CNKSR2: variants seen among roughly 807,000 people sequenced by gnomAD.
The protein encoded by CNKSR2 is CNK homolog protein 2.
Under a neutral mutation model 84.4 loss-of-function variants are expected in CNKSR2, and 14 were observed. That is an observed-to-expected ratio of 0.17 (90% CI 0.11 to 0.26). The LOEUF is 0.26. CNKSR2 is among the 10% of genes least tolerant of loss of function. CNKSR2 has a pLI of 1.00. For synonymous variants in CNKSR2, 275 were observed against 277.9 expected, an observed-to-expected ratio of 0.99 and a Z score of 0.10; for missense variants, 485 against 771.2, an observed-to-expected ratio of 0.63 and a Z score of 4.40.
intron 20 of CNKSR2, chrX:21,644,227 C>T (rs747052535): frequency 9.0e-6 from 1 of 111,565 alleles, no homozygotes; most frequent in African/African-American, 3.3e-5. Flanking sequence ...TTAGTCTTTC[C>T]CAACCTTCTG....
chrX:21,517,730 A>C (rs2091742540), intron 9 of CNKSR2, among the ~76,000 whole-genome samples: 1 of 111,335 alleles, frequency 9.0e-6, no homozygotes, highest in African/African-American at 3.3e-5. Flanking sequence ...TAATTAAAAA[A>C]AAATAGGCCC....
intron 2 of CNKSR2, chrX:21,429,025 T>C (rs2090601085): frequency 8.9e-6 from 1 of 112,385 alleles, no homozygotes; most frequent in Non-Finnish European, 1.9e-5. Flanking sequence ...TAAGTATTTC[T>C]AGTTAAGTGG....
chrX:21,445,369 A>G (rs2090838917), intron 4 of CNKSR2, among the ~76,000 whole-genome samples: 1 of 111,575 alleles, frequency 9.0e-6, no homozygotes. Flanking sequence ...ATTTCAGTAC[A>G]TGTATACAGT....
At chrX:21,390,639 G>T (rs969844381) in intron 1 of CNKSR2, among the ~76,000 whole-genome samples, 1 of 111,509 alleles carries the variant, frequency 9.0e-6, no homozygotes, top group African/African-American at 3.3e-5. Context: ...ATTACAATTC[G>T]ACCTGAGTTT....
At chrX:21,511,746 A>T (rs2091673706) in intron 8 of CNKSR2, among the ~76,000 whole-genome samples, 1 of 111,549 alleles carries the variant, frequency 9.0e-6, no homozygotes. Context: ...TCTTATAATC[A>T]TCTGAACTCT....
Position 21,609,448 on chromosome X carries a change from G to A in CNKSR2, c.2523G>A (p.Lys841=), listed in dbSNP as rs2092538025. 1.7e-6 allele frequency: 2 copies of A among 1,211,124 alleles called. No homozygotes were observed. Among genetic ancestry groups the A allele is most frequent in the East Asian group, 5.9e-5 (2 of 33,803 alleles). Residue 841 remains lysine, a synonymous_variant, in exon 20 of 22, where the codon AAG becomes AAA. Transcript: ENST00000379510. ...RMQVLNGNGG[K]PRSFTLPRDS... is the part of the protein sequence containing the mutation. ...AAGTGCTAAATGGAAATGGGGGCAA[G>A]CCTCGAAGTTTTACTCTGCCTCGAG...
intron 1 of CNKSR2, among the ~76,000 whole-genome samples, chrX:21,412,944 TACAGTTC>T (rs1219174566): frequency 8.9e-6 from 1 of 112,120 alleles, no homozygotes; most frequent in African/African-American, 3.2e-5. Flanking sequence ...TCTTTAAGTG[TACAGTTC>T]ACTGGCATTA....
At chrX:21,545,302 C>T (rs1269873699) in intron 11 of CNKSR2, among the ~76,000 whole-genome samples, 1 of 112,149 alleles carries the variant, frequency 8.9e-6, no homozygotes, top group Non-Finnish European at 1.9e-5. Flanking sequence ...CCACCACAAC[C>T]TCGGCAAAGC....
chrX:21,394,293 A>C (rs1339792406), intron 1 of CNKSR2, among the ~76,000 whole-genome samples: 1 of 111,631 alleles, frequency 9.0e-6, no homozygotes, highest in African/African-American at 3.3e-5. Flanking sequence ...GATATAGCTC[A>C]CATGTGTTTG....
chrX:21,525,487 CTCTT>C (rs1199021021), intron 9 of CNKSR2, among the ~76,000 whole-genome samples: 6 of 110,743 alleles, frequency 5.4e-5, no homozygotes, highest in Non-Finnish European at 7.6e-5. Context: ...CTTTCTCTCT[CTCTT>C]TCTTTAATTT....
At chrX:21,557,795 A>G (rs1307248622) in intron 11 of CNKSR2, among the ~76,000 whole-genome samples, 6 of 111,395 alleles carry the variant, frequency 5.4e-5, no homozygotes, top group Non-Finnish European at 9.5e-5. Flanking sequence ...TCAAAAACCA[A>G]TATAAGTACT....
At chrX:21,587,332 C>G (rs917824478) in intron 13 of CNKSR2, among the ~76,000 whole-genome samples, 3 of 111,732 alleles carry the variant, frequency 2.7e-5, no homozygotes, top group Non-Finnish European at 5.6e-5. Flanking sequence ...GAAAGAACTT[C>G]TAAAGAATAT....
chrX:21,532,044 G>T lies in CNKSR2; in HGVS notation c.1280G>T (p.Arg427Ile). 8.4e-7 allele frequency: 1 copy of T among 1,196,092 alleles called. No homozygotes were observed. The highest frequency in any genetic ancestry group is 1.1e-6 in the Non-Finnish European group (1 of 883,676). ...AAAGGAAGATCAAGTAGTCAAGGAAGACGAGAAAGCACCCCAACTTATGGT... is the reference window on the plus strand; with the variant it reads ...AAAGGAAGATCAAGTAGTCAAGGAATACGAGAAAGCACCCCAACTTATGGT... ...YEKGRSSSQG[R>I]RESTPTYGKL... The change falls in exon 11 of 22, where the codon AGA (arginine) becomes ATA (isoleucine). Residue 427 changes from arginine to isoleucine, a missense_variant. Arg to Ile is a moderately conservative substitution (Grantham distance 97). Coordinates refer to ENST00000379510, the MANE Select transcript of CNKSR2 (RefSeq NM_014927.5).
chrX:21,512,216 T>G (rs1240484169), intron 8 of CNKSR2, among the ~76,000 whole-genome samples: 1 of 111,750 alleles, frequency 8.9e-6, no homozygotes, highest in Non-Finnish European at 1.9e-5. Flanking sequence ...GGTTCTCAAA[T>G]TGTGGCTCTT....
At chrX:21,387,127 A>T (rs2089980717) in intron 1 of CNKSR2, among the ~76,000 whole-genome samples, 1 of 112,186 alleles carries the variant, frequency 8.9e-6, no homozygotes, top group Non-Finnish European at 1.9e-5. Context: ...AGATTTTCAA[A>T]TGAAGCTGCT....
intron 5 of CNKSR2, among the ~76,000 whole-genome samples, chrX:21,481,350 G>A (rs193014910): frequency 8.9e-6 from 1 of 111,740 alleles, no homozygotes; most frequent in East Asian, 2.8e-4. Context: ...AGCTGACTCT[G>A]TAGATGACCT....
chrX:21,576,719 CTG>C (rs1168483919), intron 13 of CNKSR2, among the ~76,000 whole-genome samples: 1 of 111,738 alleles, frequency 8.9e-6, no homozygotes, highest in Non-Finnish European at 1.9e-5. Flanking sequence ...AAATACAACT[CTG>C]TGCCTGTAAG....
chrX:21,606,570 A>G (rs774673892), intron 18 of CNKSR2: 36 of 314,072 alleles, frequency 1.1e-4, no homozygotes, highest in Non-Finnish European at 1.9e-4. Context: ...CTTTAAAAGG[A>G]TGTTAGAATT....
Position 21,432,594 on chromosome X carries a change from C to T in CNKSR2, c.229-18C>T. On this transcript the variant is annotated intron_variant, in intron 2 of 21. Transcript: ENST00000379510. Reference sequence around the variant, plus strand: ...AAAACTGACTTTAAATATATTCTCTCTCTTTTTTATAATTCAGAATTATGG... The same window carrying T: ...AAAACTGACTTTAAATATATTCTCTTTCTTTTTTATAATTCAGAATTATGG... 9.5e-7 allele frequency: 1 copy of T among 1,052,643 alleles called. No individual in the cohort carries two copies. Among genetic ancestry groups the T allele is most frequent in the Non-Finnish European group, 1.3e-6 (1 of 764,621 alleles). The allele number at this position is 1,052,643 out of a possible 1,213,427, so 86.7% of individuals were successfully genotyped here. A position where few individuals can be genotyped will look rare whatever the true frequency, so the allele number is the denominator to read the frequency against.
Sources: allele counts gnomAD v4.1 joint callset (sites outside exome capture counted in the v4.1 genomes callset), GRCh38; gene constraint gnomAD v4.1.1; transcripts MANE v1.5; gene names NCBI Gene and HGNC (gene_info 2026-07-23, HGNC 2026-07-21).